SLC66A2: variants seen among roughly 807,000 people sequenced by gnomAD.
SLC66A2 encodes solute carrier family 66 member 2, also known as PQ loop repeat containing 1.
A neutral mutation model predicts 25.5 loss-of-function variants in SLC66A2; 23 were observed. The observed-to-expected ratio is 0.90, with a 90% confidence interval of 0.65 to 1.28. SLC66A2 has a LOEUF of 1.28. Among genes scored for constraint, SLC66A2 ranks in the 50% most tolerant of loss-of-function variants. The probability of loss-of-function intolerance (pLI) is 0.00; values close to 1 mark genes in which losing one functional copy is unlikely to be tolerated. For missense variants in SLC66A2, 396 were observed against 373.1 expected (o/e 1.06, Z -0.51); for synonymous variants, 193 against 166.5 (o/e 1.16, Z -1.23).
Position 79,918,546 on chromosome 18 carries a change from C to A in SLC66A2, c.608+638G>T, listed in dbSNP as rs1042582601. Among the ~76,000 whole-genome samples the A allele has an allele frequency of 3.3e-5, 5 of 152,198 alleles. No homozygotes were observed. The East Asian group carries it at 9.6e-4, about 29-fold the overall frequency. On this transcript the variant is annotated intron_variant, in intron 5 of 5. Coordinates refer to ENST00000397778, the MANE Select transcript of SLC66A2 (RefSeq NM_025078.5). This position sits in a 1 kb window ranked among gnomAD's most constrained non-coding sequence, Gnocchi z 4.0. The stretch of plus-strand genomic sequence containing the variant: ...GTGAGGGACTAGAGTTTTCTGCCCC[C>A]GCCACAGCGAGCAGATCTGTTTTTA...
In SLC66A2 at chr18:79,937,897, A is replaced by T. The variant is rs1987261304; in HGVS notation, c.338-3875T>A. Reference sequence around the variant, plus strand: ...GGAGTACTCAGCAATCTTGTTAAAAATGCAGGTGGCACTGATGCCGCAATA... The same window carrying T: ...GGAGTACTCAGCAATCTTGTTAAAATTGCAGGTGGCACTGATGCCGCAATA... On this transcript the variant is annotated intron_variant, in intron 3 of 5. Transcript: ENST00000397778. The surrounding 1 kb of genome is among the most constrained non-coding windows in gnomAD (Gnocchi z 5.4). 6.6e-6 allele frequency among the ~76,000 whole-genome samples: 1 copy of T among 152,094 alleles called. No homozygotes were observed. Among genetic ancestry groups the T allele is most frequent in the Non-Finnish European group, 1.5e-5 (1 of 68,010 alleles).
intron 3 of SLC66A2, 106 bp from the exon 4 acceptor site, chr18:79,934,128 T>TAA: frequency 1.5e-5 from 9 of 599,956 alleles, no homozygotes; most frequent in African/African-American, 7.5e-5. Context: ...TGCATTTCTT[T>TAA]AAAAAAAAAA....
At chr18:79,932,946 A>C (rs1568324274) in intron 4 of SLC66A2, among the ~76,000 whole-genome samples, 1 of 152,254 alleles carries the variant, frequency 6.6e-6, no homozygotes, top group Non-Finnish European at 1.5e-5. Flanking sequence ...TTCCCAACTT[A>C]TTCTATAAGG....
rs150092569 is a variant in SLC66A2, at chr18:79,936,902, C to T, written c.338-2880G>A. On this transcript the variant is annotated intron_variant, in intron 3 of 5. Coordinates refer to ENST00000397778, the MANE Select transcript of SLC66A2 (RefSeq NM_025078.5). ...ACGTTTTCAGTAACCGGGAGGCCGG[C>T]GCTGGCATGGTGACCCTCAGACTGC... Among the ~76,000 whole-genome samples, 31 of 152,254 alleles carry T rather than the reference C, an allele frequency of 2.0e-4. 1 individual carries two copies. In the East Asian group the frequency reaches 4.8e-3, roughly 24 times the overall value.
Position 79,950,777 on chromosome 18 carries a change from G to C in SLC66A2, c.150C>G (p.Ser50=). ...IRRTQNADGF[S]TYVCLVLLVA... is the part of the protein sequence containing the mutation. Reference sequence around the variant, plus strand: ...CCAGCAGCACCAGGCACACGTAGGTGGAGAAGCCGTCGGCGTTCTGCGTCC... The same window carrying C: ...CCAGCAGCACCAGGCACACGTAGGTCGAGAAGCCGTCGGCGTTCTGCGTCC... Residue 50 remains serine, a synonymous_variant, in exon 2 of 6, where the codon TCC becomes TCG. Coordinates refer to ENST00000397778, the MANE Select transcript of SLC66A2 (RefSeq NM_025078.5). 1 of 1,613,260 alleles carries C rather than the reference G, an allele frequency of 6.2e-7. No homozygotes were observed. Among genetic ancestry groups the C allele is most frequent in the Non-Finnish European group, 8.5e-7 (1 of 1,180,010 alleles).
At chr18:79,915,893 C>T (rs1005422555) in intron 5 of SLC66A2, 1 of 153,016 alleles carries the variant, frequency 6.5e-6, no homozygotes, top group Non-Finnish European at 1.5e-5. Flanking sequence ...ACAGCACCCC[C>T]AATACTATTT....
At position 79,918,428 on chromosome 18, in the gene SLC66A2, G is replaced by T. The variant is rs1011892627; in HGVS notation, c.608+756C>A. On this transcript the variant is annotated intron_variant, in intron 5 of 5. Transcript: ENST00000397778. The surrounding 1 kb of genome is among the most constrained non-coding windows in gnomAD (Gnocchi z 4.0). ...CCAGTGAGGAGCGGGCCCGGGGGGGGGTCCCCAGTGAGGAGCGGGCACCGG... is the reference window on the plus strand; with the variant it reads ...CCAGTGAGGAGCGGGCCCGGGGGGGTGTCCCCAGTGAGGAGCGGGCACCGG... Among the ~76,000 whole-genome samples the T allele has an allele frequency of 2.7e-5, 4 of 149,940 alleles. No homozygotes were observed. Among genetic ancestry groups the T allele is most frequent in the East Asian group, 2.0e-4 (1 of 5,078 alleles).
At position 79,950,819 on chromosome 18, in the gene SLC66A2, C is replaced by T. The variant is rs2051094640; in HGVS notation, c.108G>A (p.Gln36=). ...VFGGVVPYVP[Q]YRDIRRTQNA... ...TCTGCGTCCTGCGAATGTCCCGATA[C>T]TGCGGGACGTAGGGCACCACCCCTC... The change falls in exon 2 of 6, where the codon CAG becomes CAA. Residue 36 remains glutamine, a synonymous_variant. Transcript: ENST00000397778. 6.2e-7 allele frequency: 1 copy of T among 1,612,914 alleles called. No individual in the cohort carries two copies. The highest frequency in any genetic ancestry group is 8.5e-7 in the Non-Finnish European group (1 of 1,179,922).
intron 4 of SLC66A2, among the ~76,000 whole-genome samples, chr18:79,931,022 A>T (rs1398795955): frequency 1.3e-5 from 2 of 152,234 alleles, no homozygotes; most frequent in Non-Finnish European, 1.5e-5. Flanking sequence ...GATTCTGATA[A>T]GTTAAGATGA....
intron 4 of SLC66A2, among the ~76,000 whole-genome samples, chr18:79,932,034 T>A (rs1986618466): frequency 6.6e-6 from 1 of 152,046 alleles, no homozygotes; most frequent in Non-Finnish European, 1.5e-5. Context: ...ATAAAAGTAC[T>A]GGAATAATAC....
At chr18:79,933,460 T>C (rs1270243724) in intron 4 of SLC66A2, among the ~76,000 whole-genome samples, 1 of 152,184 alleles carries the variant, frequency 6.6e-6, no homozygotes, top group East Asian at 1.9e-4. Flanking sequence ...TAAGGAAGAA[T>C]TAAAACTATA....
intron 4 of SLC66A2, among the ~76,000 whole-genome samples, chr18:79,932,493 A>C (rs1986671934): frequency 6.6e-6 from 1 of 152,048 alleles, no homozygotes; most frequent in Non-Finnish European, 1.5e-5. Flanking sequence ...GAAAGAAAGA[A>C]AGAAAAGAAA....
At chr18:79,914,412 A>T (rs1457917822) in intron 5 of SLC66A2, among the ~76,000 whole-genome samples, 1 of 152,214 alleles carries the variant, frequency 6.6e-6, no homozygotes, top group Non-Finnish European at 1.5e-5. Context: ...AGATCGGAGC[A>T]CAAAGGAACC....
In SLC66A2 at chr18:79,950,805, C is replaced by A; in HGVS notation, c.122G>T (p.Arg41Leu). The A allele has an allele frequency of 1.2e-6, 2 of 1,613,066 alleles. No individual in the cohort carries two copies. The highest frequency in any genetic ancestry group is 1.7e-6 in the Non-Finnish European group (2 of 1,179,958). The change falls in exon 2 of 6, where the codon CGC becomes CTC. Residue 41 changes from arginine to leucine, a missense_variant. Arg to Leu is a moderately radical substitution (Grantham distance 102). Coordinates refer to ENST00000397778, the MANE Select transcript of SLC66A2 (RefSeq NM_025078.5). The part of the protein sequence containing the change: ...VPYVPQYRDI[R>L]RTQNADGFST... ...GAAGCCGTCGGCGTTCTGCGTCCTG[C>A]GAATGTCCCGATACTGCGGGACGTA...
chr18:79,928,666 A>G (rs1986253387), intron 4 of SLC66A2, among the ~76,000 whole-genome samples: 1 of 152,036 alleles, frequency 6.6e-6, no homozygotes, highest in African/African-American at 2.4e-5. Context: ...CCCCATCCCC[A>G]TGTGACAAAA....
chr18:79,935,668 T>C (rs1987007875), intron 3 of SLC66A2, among the ~76,000 whole-genome samples: 1 of 152,160 alleles, frequency 6.6e-6, no homozygotes, highest in African/African-American at 2.4e-5. Context: ...AGCTCCCCCT[T>C]GGGACCTGGC....
intron 5 of SLC66A2, among the ~76,000 whole-genome samples, chr18:79,916,157 TCGTACCCGCAGTGCTCCCGTACCCTCC>T (rs1568302075): frequency 4.8e-5 from 2 of 41,806 alleles, no homozygotes; most frequent in African/African-American, 5.9e-5. Context: ...CGCGGCGCTC[TCGTACCCGCAGTGCTCCCGTACCCTCC>T]CATACCCACG....
intron 5 of SLC66A2, among the ~76,000 whole-genome samples, chr18:79,915,004 G>A (rs1169601662): frequency 1.3e-5 from 2 of 152,220 alleles, no homozygotes; most frequent in African/African-American, 4.8e-5. Context: ...ATAAGGACGT[G>A]CGGCACAAAG....
In SLC66A2 at chr18:79,918,670, C is replaced by G. The variant is rs1168146560; in HGVS notation, c.608+514G>C. On this transcript the variant is annotated intron_variant, in intron 5 of 5. Coordinates refer to ENST00000397778, the MANE Select transcript of SLC66A2 (RefSeq NM_025078.5). The surrounding 1 kb of genome is among the most constrained non-coding windows in gnomAD (Gnocchi z 4.0). Reference sequence around the variant, plus strand: ...TGGCGGTCACGGGGACGTCCAGGCACGCACTGGTGCAGGGCGCCCAGGCAT... The same window carrying G: ...TGGCGGTCACGGGGACGTCCAGGCAGGCACTGGTGCAGGGCGCCCAGGCAT... Among the ~76,000 whole-genome samples the G allele has an allele frequency of 6.6e-6, 1 of 152,240 alleles. No homozygotes were observed. The highest frequency in any genetic ancestry group is 2.4e-5 in the African/African-American group (1 of 41,456).
Sources: gnomAD v4.1 joint callset for allele counts (sites outside exome capture counted in the v4.1 genomes callset) on GRCh38, gnomAD v4.1.1 for gene constraint, Gnocchi (gnomAD v3.1) non-coding constraint, MANE v1.5 for transcripts, NCBI Gene and HGNC (gene_info 2026-07-23, HGNC 2026-07-21) for gene names.